Variants in PDE7B observed in about 807,000 individuals in gnomAD.
PDE7B encodes the protein 3',5'-cyclic-AMP phosphodiesterase 7B.
PDE7B carries 29 observed loss-of-function variants against 56.2 expected under a neutral mutation model. The observed-to-expected ratio is 0.52, with a 90% CI of 0.38 to 0.70. PDE7B has a LOEUF of 0.70. Ranked by LOEUF, PDE7B falls within the 30% of genes least tolerant of loss-of-function variation. The pLI, the probability that PDE7B is intolerant of heterozygous loss-of-function variation, is 0.00. For missense variants in PDE7B, 490 were observed against 565.0 expected (o/e 0.87, Z 1.35); for synonymous variants, 197 against 196.9 (o/e 1.00, Z 0.00).
rs2128191305 is a variant in PDE7B, at chr6:135,898,532, ATAAT to A, written c.21+46518_21+46521del. ...AATATTTAGAAATTACTCAGCACAT[ATAAT>A]TAATATCTCATAATTCTACCACCCA... On this transcript the variant is annotated intron_variant, in intron 1 of 12. Transcript: ENST00000308191. 2.0e-5 allele frequency among the ~76,000 whole-genome samples: 3 copies of A among 152,324 alleles called. 1 individual carries two copies.
intron 8 of PDE7B, among the ~76,000 whole-genome samples, chr6:136,170,754 C>T (rs532535970): frequency 3.3e-5 from 5 of 152,164 alleles, no homozygotes; most frequent in Non-Finnish European, 7.4e-5. Context: ...TGAGGCATCT[C>T]ATGGCATCAG....
At chr6:135,868,976 T>A (rs941164404) in intron 1 of PDE7B, among the ~76,000 whole-genome samples, 1 of 152,162 alleles carries the variant, frequency 6.6e-6, no homozygotes, top group Non-Finnish European at 1.5e-5. Context: ...TGTGTGTGTA[T>A]AAATATACAT....
In PDE7B at chr6:136,121,184, A is replaced by C. The variant is rs191233692; in HGVS notation, c.166+12370A>C. On this transcript the variant is annotated intron_variant, in intron 3 of 12. Transcript: ENST00000308191. ...AGCCAGCTGTGACTGCAGCTAGTTC[A>C]CTTCTAGGCAGGGGTTGGGAGATGT... Among the ~76,000 whole-genome samples the C allele has an allele frequency of 5.8e-4, 88 of 152,264 alleles. 1 individual carries two copies. The highest frequency in any genetic ancestry group is 5.8e-3 in the Admixed American group (88 of 15,294).
At chr6:135,855,758 G>C (rs371104026) in intron 1 of PDE7B, among the ~76,000 whole-genome samples, 1 of 152,118 alleles carries the variant, frequency 6.6e-6, no homozygotes, top group African/African-American at 2.4e-5. Flanking sequence ...AGCACTATGG[G>C]CAGCCAAGGT....
chr6:135,991,788 A>G (rs540920623), intron 2 of PDE7B: 3 of 152,340 alleles, frequency 2.0e-5, no homozygotes, highest in Admixed American at 6.5e-5. Context: ...CTGCAGAGAG[A>G]AAAAAGAGGC....
intron 1 of PDE7B, among the ~76,000 whole-genome samples, chr6:135,891,537 T>G (rs1775810185): frequency 6.6e-6 from 1 of 152,162 alleles, no homozygotes; most frequent in East Asian, 1.9e-4. Flanking sequence ...AGAGCAAAAC[T>G]GAGGTGAGAA....
chr6:135,968,038 A>C (rs1001806211), intron 2 of PDE7B, among the ~76,000 whole-genome samples: 1 of 152,230 alleles, frequency 6.6e-6, no homozygotes. Flanking sequence ...ATTTAAATTC[A>C]TATTGAAACA....
intron 2 of PDE7B, among the ~76,000 whole-genome samples, chr6:135,954,293 C>A (rs1232078448): frequency 1.3e-5 from 2 of 152,174 alleles, no homozygotes; most frequent in African/African-American, 4.8e-5. Flanking sequence ...AAGAGGAACT[C>A]ACTATTTGCT....
At chr6:135,857,349 CA>C (rs1225728360) in intron 1 of PDE7B, among the ~76,000 whole-genome samples, 1 of 151,932 alleles carries the variant, frequency 6.6e-6, no homozygotes, top group East Asian at 1.9e-4. Context: ...ATTCTTTCTA[CA>C]AGATGAAAAT....
Position 136,191,949 on chromosome 6 carries a change from T to TGG in PDE7B, c.*112_*113dup. On this transcript the variant is annotated 3_prime_UTR_variant, in exon 13 of 13. Transcript: ENST00000308191. ...CCCAGCCACTTTCTGAGTGTTGTCC[T>TGG]GGGGCTCTTTGGAACGCCATCTTCC... 1.3e-6 allele frequency: 1 copy of TGG among 788,082 alleles called. No homozygotes were observed. The highest frequency in any genetic ancestry group is 2.6e-5 in the Admixed American group (1 of 37,860). The allele number at this position is 788,082 out of a possible 1,614,324, so 48.8% of individuals were successfully genotyped here.
At chr6:135,891,975 T>C (rs528695414) in intron 1 of PDE7B, among the ~76,000 whole-genome samples, 1 of 152,254 alleles carries the variant, frequency 6.6e-6, no homozygotes, top group African/African-American at 2.4e-5. Context: ...CTATAGTTGG[T>C]ACCCAAGAAA....
chr6:135,950,128 T>A (rs1344615973), intron 2 of PDE7B, among the ~76,000 whole-genome samples: 1 of 152,000 alleles, frequency 6.6e-6, no homozygotes, highest in East Asian at 1.9e-4. Context: ...TGATCCTAGA[T>A]GATAAAAGAA....
At chr6:136,037,371 C>CA in intron 2 of PDE7B, 1 of 966,408 alleles carries the variant, frequency 1.0e-6, no homozygotes, top group Non-Finnish European at 1.2e-6. Flanking sequence ...AGCTGAAGGG[C>CA]AGCTGAGGTT....
chr6:136,047,785 G>A (rs1372951799), intron 2 of PDE7B, among the ~76,000 whole-genome samples: 1 of 152,108 alleles, frequency 6.6e-6, no homozygotes, highest in Non-Finnish European at 1.5e-5. Flanking sequence ...CAAATTTCTA[G>A]TTTTCTTTAC....
intron 2 of PDE7B, among the ~76,000 whole-genome samples, chr6:136,050,695 A>T (rs1266452712): frequency 1.3e-5 from 2 of 152,096 alleles, no homozygotes; most frequent in Non-Finnish European, 2.9e-5. Flanking sequence ...CTCTTTGCAA[A>T]AGTAGTGGTG....
intron 2 of PDE7B, among the ~76,000 whole-genome samples, chr6:135,954,845 G>T (rs1477731031): frequency 6.6e-6 from 1 of 152,130 alleles, no homozygotes; most frequent in Non-Finnish European, 1.5e-5. Context: ...TAGCTTGAAG[G>T]TTGCTTTCTG....
chr6:136,100,676 T>G (rs1000492722), intron 2 of PDE7B, among the ~76,000 whole-genome samples: 25 of 152,186 alleles, frequency 1.6e-4, no homozygotes, highest in African/African-American at 5.8e-4. Flanking sequence ...GGGCTGAGAC[T>G]GTGGGGTTTT....
intron 2 of PDE7B, among the ~76,000 whole-genome samples, chr6:135,963,939 A>G (rs1400600774): frequency 2.6e-5 from 4 of 152,132 alleles, no homozygotes; most frequent in Admixed American, 2.6e-4. Flanking sequence ...AGAGGCCCTG[A>G]AAGGTTGTTC....
chr6:135,941,252 AT>A (rs5880271), intron 1 of PDE7B, among the ~76,000 whole-genome samples: 107,751 of 151,714 alleles, frequency 0.71, 38,391 homozygotes, highest in East Asian at 0.85. Context: ...CTTAGGTTTG[AT>A]TTTTTTTTTC....
Sources: gnomAD v4.1 joint callset for allele counts (sites outside exome capture counted in the v4.1 genomes callset) on GRCh38, gnomAD v4.1.1 for gene constraint, MANE v1.5 for transcripts, NCBI Gene and HGNC (gene_info 2026-07-23, HGNC 2026-07-21) for gene names.